Variants in CIDEA observed in about 807,000 individuals in gnomAD.
CIDEA encodes lipid transferase CIDEA.
In CIDEA, 10 loss-of-function variants were observed where a neutral mutation model predicts 18.2. The ratio of observed to expected loss-of-function variants is 0.55; its 90% CI spans 0.34 to 0.93. CIDEA has a LOEUF of 0.93. Among genes scored for constraint, CIDEA ranks in the 40% least tolerant of loss-of-function variants. The probability of loss-of-function intolerance (pLI) is 0.02; values close to 1 mark genes in which losing one functional copy is unlikely to be tolerated. For missense variants in CIDEA, 309 were observed against 293.1 expected, an observed-to-expected ratio of 1.05 and a Z score of -0.40; for synonymous variants, 128 against 124.8, an observed-to-expected ratio of 1.03 and a Z score of -0.17.
intron 1 of CIDEA, among the ~76,000 whole-genome samples, chr18:12,259,356 T>C (rs1379483299): frequency 6.6e-6 from 1 of 152,212 alleles, no homozygotes; most frequent in Non-Finnish European, 1.5e-5. Flanking sequence ...TGTTTATTGC[T>C]TGAGATTTGA....
chr18:12,262,751 T>G (rs1478504741), intron 1 of CIDEA, 74 bp from the exon 2 acceptor site: 6 of 1,380,618 alleles, frequency 4.3e-6, no homozygotes, highest in Non-Finnish European at 5.1e-6. Context: ...TAAAAATGCA[T>G]TATTTTTATG....
At chr18:12,268,488 C>T (rs1293926884) in intron 3 of CIDEA, among the ~76,000 whole-genome samples, 5 of 151,434 alleles carry the variant, frequency 3.3e-5, no homozygotes, top group Admixed American at 2.6e-4. Context: ...CCTCGACCTC[C>T]TGGGCTCCCC....
At chr18:12,264,551 T>C (rs1170377192) in intron 3 of CIDEA, 98 bp downstream of exon 3, 2 of 6,464 alleles carry the variant, frequency 3.1e-4, no homozygotes, top group Non-Finnish European at 8.1e-3. Context: ...ACTTTCTTTC[T>C]TTTTTTTTTT....
intron 3 of CIDEA, among the ~76,000 whole-genome samples, chr18:12,273,195 G>A (rs1912599869): frequency 1.3e-5 from 2 of 152,010 alleles, no homozygotes; most frequent in Non-Finnish European, 2.9e-5. Flanking sequence ...TAATTTTAGG[G>A]GTATTTACAT....
chr18:12,273,692 C>A (rs1912614615), intron 3 of CIDEA, among the ~76,000 whole-genome samples: 1 of 152,204 alleles, frequency 6.6e-6, no homozygotes. Flanking sequence ...ATGCTGCCTG[C>A]TTCTCCATTA....
At chr18:12,256,337 T>C (rs1239493678) in intron 1 of CIDEA, among the ~76,000 whole-genome samples, 1 of 152,226 alleles carries the variant, frequency 6.6e-6, no homozygotes, top group Non-Finnish European at 1.5e-5. Context: ...TATTAGTAAC[T>C]ACATTTTACC....
At chr18:12,272,679 G>C (rs774678013) in intron 3 of CIDEA, among the ~76,000 whole-genome samples, 8 of 152,018 alleles carry the variant, frequency 5.3e-5, no homozygotes, top group Non-Finnish European at 8.8e-5. Flanking sequence ...ATAAGAGGGA[G>C]CTACAACCGC....
In CIDEA at chr18:12,264,321, C is replaced by T. The variant is rs1228440302; in HGVS notation, c.198C>T (p.Leu66=). The change falls in exon 3 of 5, where the codon CTC becomes CTT. Residue 66 remains leucine (L), a synonymous_variant. Transcript: ENST00000320477. ...TGCACACCTAGACTCTGGATGCCCT[C>T]GTCATCGCTACCGGACTGGTCACTC... ...QELISKTLDA[L]VIATGLVTLV... is the part of the protein sequence containing the mutation. 3.7e-6 allele frequency: 6 copies of T among 1,608,084 alleles called. No homozygotes were observed. The highest frequency in any genetic ancestry group is 2.2e-5 in the East Asian group (1 of 44,648).
At chr18:12,256,377 A>C (rs1418462984) in intron 1 of CIDEA, among the ~76,000 whole-genome samples, 1 of 152,186 alleles carries the variant, frequency 6.6e-6, no homozygotes, top group Non-Finnish European at 1.5e-5. Flanking sequence ...TGTGCACAAA[A>C]ATTTTTAAAA....
chr18:12,260,122 A>T (rs2144061686), intron 1 of CIDEA, among the ~76,000 whole-genome samples: 2 of 152,296 alleles, frequency 1.3e-5, no homozygotes, highest in East Asian at 1.9e-4. Flanking sequence ...GAACTCAACA[A>T]GGCGATTTTT....
intron 4 of CIDEA, among the ~76,000 whole-genome samples, chr18:12,276,646 GGCTATC>G (rs1905342362): frequency 6.6e-6 from 1 of 152,236 alleles, no homozygotes; most frequent in Admixed American, 6.5e-5. Context: ...GCCCAGGCTT[GGCTATC>G]GCATCCCCAT....
chr18:12,267,281 CAA>C (rs1330877854), intron 3 of CIDEA, among the ~76,000 whole-genome samples: 1 of 152,240 alleles, frequency 6.6e-6, no homozygotes, highest in Non-Finnish European at 1.5e-5. Flanking sequence ...ACACTGGAAA[CAA>C]ATCATGTACC....
intron 4 of CIDEA, among the ~76,000 whole-genome samples, chr18:12,276,874 G>C (rs895567904): frequency 6.6e-6 from 1 of 150,892 alleles, no homozygotes. Flanking sequence ...CGGTGGTCTT[G>C]GGCCAGCAGC....
intron 4 of CIDEA, 85 bp downstream of exon 4, chr18:12,274,359 G>C: frequency 7.4e-7 from 1 of 1,354,558 alleles, no homozygotes; most frequent in Non-Finnish European, 1.0e-6. Context: ...TGTTCCTCTG[G>C]GCTCCCAGGC....
chr18:12,274,939 G>A (rs1292443868), intron 4 of CIDEA, among the ~76,000 whole-genome samples: 5 of 152,230 alleles, frequency 3.3e-5, no homozygotes, highest in African/African-American at 1.2e-4. Context: ...GGGACTGAGA[G>A]AAACACCAGC....
At chr18:12,268,800 TA>T in intron 3 of CIDEA, among the ~76,000 whole-genome samples, 1 of 151,868 alleles carries the variant, frequency 6.6e-6, no homozygotes. Flanking sequence ...TCATTAAAAG[TA>T]ATAACCCAAT....
At chr18:12,254,722 C>T (rs1011418387) in intron 1 of CIDEA, 66 of 1,473,216 alleles carry the variant, frequency 4.5e-5, no homozygotes, top group Non-Finnish European at 5.9e-5. Flanking sequence ...AACCAGGTGA[C>T]AGCTGGCGAG....
At chr18:12,263,637 G>A (rs1403123616) in intron 2 of CIDEA, 1 of 152,230 alleles carries the variant, frequency 6.6e-6, no homozygotes, top group Non-Finnish European at 1.5e-5. Flanking sequence ...GGAAGTCTGG[G>A]TTTGGTTGTA....
chr18:12,264,827 A>G (rs933896582), intron 3 of CIDEA, among the ~76,000 whole-genome samples: 1 of 152,208 alleles, frequency 6.6e-6, no homozygotes, highest in East Asian at 1.9e-4. Context: ...TGCTGGGATT[A>G]CAGGCGTGAG....
Sources: gnomAD v4.1 joint callset for allele counts (sites outside exome capture counted in the v4.1 genomes callset) on GRCh38, gnomAD v4.1.1 for gene constraint, MANE v1.5 for transcripts, NCBI Gene and HGNC (gene_info 2026-07-23, HGNC 2026-07-21) for gene names.